Variants in MYRIP observed in about 807,000 individuals in gnomAD.
MYRIP encodes rab effector MyRIP.
Under a neutral mutation model 98.0 loss-of-function variants are expected in MYRIP, and 49 were observed. The ratio of observed to expected loss-of-function variants is 0.50; its 90% CI spans 0.40 to 0.63. The LOEUF is 0.63. Among genes scored for constraint, MYRIP ranks in the 30% least tolerant of loss-of-function variants. The pLI is 0.00. For synonymous variants in MYRIP, 404 were observed against 409.5 expected, an observed-to-expected ratio of 0.99 and a Z score of 0.16; for missense variants, 1,004 against 1,058.2, an observed-to-expected ratio of 0.95 and a Z score of 0.71.
chr3:40,143,493 G>A (rs1042146039), intron 3 of MYRIP, among the ~76,000 whole-genome samples: 5 of 152,084 alleles, frequency 3.3e-5, no homozygotes, highest in Admixed American at 2.0e-4. Flanking sequence ...TTAAATAAAC[G>A]CAATAAAATC....
intron 1 of MYRIP, among the ~76,000 whole-genome samples, chr3:39,895,366 T>C (rs1943582862): frequency 6.6e-6 from 1 of 152,050 alleles, no homozygotes; most frequent in South Asian, 2.1e-4. Flanking sequence ...TTTGTATTTT[T>C]ATTAGAGACG....
chr3:39,894,080 G>T (rs77111226), intron 1 of MYRIP, among the ~76,000 whole-genome samples: 3,966 of 151,868 alleles, frequency 0.026, 121 homozygotes, highest in East Asian at 0.09. Context: ...GATAACTGTT[G>T]GTAATTTTTT....
intron 1 of MYRIP, among the ~76,000 whole-genome samples, chr3:39,818,619 G>A (rs1168398308): frequency 6.6e-6 from 1 of 152,096 alleles, no homozygotes; most frequent in Non-Finnish European, 1.5e-5. Flanking sequence ...TTATTAATAA[G>A]TTTTTCTATG....
rs573765776 is a variant in MYRIP at position 39,940,687 on chromosome 3, C to A, written c.110+39761C>A. Among the ~76,000 whole-genome samples, 78 of 152,218 alleles carry A rather than the reference C, an allele frequency of 5.1e-4. No homozygotes were observed. In the South Asian group the frequency reaches 7.0e-3, roughly 14 times the overall value. On this transcript the variant is annotated intron_variant, in intron 2 of 16. Transcript: ENST00000302541. ...CACTGTACTTGGATGGATGGTGAGA[C>A]ATTATTCATTATTTGCACTTAATAT...
At chr3:40,199,240 T>G (rs1427951385) in intron 10 of MYRIP, among the ~76,000 whole-genome samples, 1 of 152,158 alleles carries the variant, frequency 6.6e-6, no homozygotes, top group African/African-American at 2.4e-5. Context: ...TGCTCTAAAC[T>G]ACTCCCATGG....
intron 1 of MYRIP, among the ~76,000 whole-genome samples, chr3:39,839,164 GT>G (rs1267802891): frequency 1.3e-5 from 2 of 151,336 alleles, no homozygotes; most frequent in African/African-American, 4.8e-5. Flanking sequence ...TTTTTGGAGG[GT>G]TTTTTTGTGT....
At chr3:40,024,570 G>GT (rs1215319587) in intron 2 of MYRIP, among the ~76,000 whole-genome samples, 6,816 of 145,956 alleles carry the variant, frequency 0.047, 463 homozygotes, top group African/African-American at 0.16. Context: ...CTTTTTGTGG[G>GT]TTTTTTTTTT....
intron 2 of MYRIP, among the ~76,000 whole-genome samples, chr3:39,977,064 G>GT (rs1013558929): frequency 9.5e-6 from 1 of 105,440 alleles, no homozygotes; most frequent in Non-Finnish European, 1.8e-5. Context: ...TATTCTGTGT[G>GT]TTTTTTTCTC....
intron 2 of MYRIP, among the ~76,000 whole-genome samples, chr3:40,032,437 T>G (rs1400883725): frequency 2.6e-5 from 4 of 152,276 alleles, no homozygotes; most frequent in Middle Eastern, 6.8e-3. Context: ...AGGAGAGCTT[T>G]ACTTCCAACT....
rs1952751990 is a variant in MYRIP at position 40,234,148 on chromosome 3, A to T, written c.2100+95A>T. 6 of 1,196,716 alleles carry T rather than the reference A, an allele frequency of 5.0e-6. No homozygotes were observed. In the East Asian group the frequency reaches 7.8e-5, roughly 16 times the overall value. 74.1% of individuals were successfully genotyped at this position (1,196,716 alleles called of 1,614,324 possible). A position where few individuals can be genotyped will look rare whatever the true frequency, so the allele number is the denominator to read the frequency against. On this transcript the variant is annotated intron_variant, in intron 12 of 16. Coordinates refer to ENST00000302541, the MANE Select transcript of MYRIP (RefSeq NM_015460.4). ...TATCGTGAAGAGTGCAAGGACACAC[A>T]CATACACACACACACCACTACCACT...
At chr3:40,152,996 G>C (rs910261356) in intron 4 of MYRIP, among the ~76,000 whole-genome samples, 1 of 151,616 alleles carries the variant, frequency 6.6e-6, no homozygotes, top group Non-Finnish European at 1.5e-5. Flanking sequence ...GCATGCACCT[G>C]TCCTTTGAGC....
chr3:40,152,185 T>C (rs1274598832), intron 4 of MYRIP, among the ~76,000 whole-genome samples: 1 of 152,204 alleles, frequency 6.6e-6, no homozygotes, highest in Non-Finnish European at 1.5e-5. Context: ...CTCTAAATAC[T>C]CTGTAGGAAT....
At chr3:40,167,265 G>T in intron 7 of MYRIP, 26 bp downstream of exon 7, 1 of 1,609,672 alleles carries the variant, frequency 6.2e-7, no homozygotes, top group Non-Finnish European at 8.5e-7. Flanking sequence ...CAGTGGGATG[G>T]CTGCAGTTTC....
chr3:40,166,640 A>T (rs563382385), intron 5 of MYRIP, among the ~76,000 whole-genome samples: 14 of 152,254 alleles, frequency 9.2e-5, no homozygotes, highest in Admixed American at 7.8e-4. Context: ...AAAGAATCAA[A>T]CAATTTGTTG....
At chr3:39,976,152 T>TG (rs1945744215) in intron 2 of MYRIP, among the ~76,000 whole-genome samples, 2 of 152,204 alleles carry the variant, frequency 1.3e-5, no homozygotes, top group South Asian at 4.1e-4. Flanking sequence ...CCTACTCATC[T>TG]GACAAAGGGC....
At chr3:40,194,358 T>C (rs1046467872) in intron 10 of MYRIP, among the ~76,000 whole-genome samples, 3 of 152,132 alleles carry the variant, frequency 2.0e-5, no homozygotes, top group African/African-American at 7.2e-5. Context: ...TTTTAACCTT[T>C]TATTTCTATA....
At chr3:40,156,612 T>C (rs2125582161) in intron 4 of MYRIP, among the ~76,000 whole-genome samples, 1 of 151,926 alleles carries the variant, frequency 6.6e-6, no homozygotes, top group Admixed American at 6.6e-5. Flanking sequence ...ATATTGATTC[T>C]TCCTACCCAT....
intron 5 of MYRIP, among the ~76,000 whole-genome samples, chr3:40,164,608 A>G (rs1483071282): frequency 1.3e-5 from 2 of 152,210 alleles, no homozygotes; most frequent in Admixed American, 1.3e-4. Context: ...TGATTAAATA[A>G]CTGGGTACTA....
At chr3:40,220,707 C>T (rs1454572883) in intron 11 of MYRIP, among the ~76,000 whole-genome samples, 1 of 152,036 alleles carries the variant, frequency 6.6e-6, no homozygotes, top group African/African-American at 2.4e-5. Flanking sequence ...TCTGCAGGCT[C>T]TACAGGAAGC....
Sources: gnomAD v4.1 joint callset for allele counts (sites outside exome capture counted in the v4.1 genomes callset) on GRCh38, gnomAD v4.1.1 for gene constraint, MANE v1.5 for transcripts, NCBI Gene and HGNC (gene_info 2026-07-23, HGNC 2026-07-21) for gene names.